SSU72: variants seen among roughly 807,000 people sequenced by gnomAD.
SSU72 encodes the protein SSU72 homolog, RNA polymerase II CTD phosphatase.
A neutral mutation model predicts 22.7 loss-of-function variants in SSU72; 12 were observed. That is an observed-to-expected ratio of 0.53 (90% CI 0.34 to 0.86). The LOEUF is 0.86. Ranked by LOEUF, SSU72 falls within the 40% of genes least tolerant of loss-of-function variation. The pLI is 0.02. For missense variants in SSU72, 151 were observed against 249.8 expected, an observed-to-expected ratio of 0.60 and a Z score of 2.67; for synonymous variants, 116 against 98.3, an observed-to-expected ratio of 1.18 and a Z score of -1.06.
chr1:1,570,808 G>GT (rs1217252819), intron 1 of SSU72, among the ~76,000 whole-genome samples: 5 of 152,204 alleles, frequency 3.3e-5, no homozygotes. Flanking sequence ...ATTTTCTACA[G>GT]TAAGAATTTC....
Position 1,564,935 on chromosome 1 carries a change from G to T in SSU72, c.81-19C>A. ...CCGTTTGCTGAAAGACAAAAGGAGAGAAAGAATCACAGTCACACTAAGACA... is the reference window on the plus strand; with the variant it reads ...CCGTTTGCTGAAAGACAAAAGGAGATAAAGAATCACAGTCACACTAAGACA... On this transcript the variant is annotated intron_variant, in intron 1 of 4. Coordinates refer to ENST00000291386, the MANE Select transcript of SSU72 (RefSeq NM_014188.3). The T allele has an allele frequency of 6.3e-7, 1 of 1,576,778 alleles. No homozygotes were observed. Among genetic ancestry groups the T allele is most frequent in the African/African-American group, 1.4e-5 (1 of 73,690 alleles).
chr1:1,574,573 T>G lies in SSU72; in HGVS notation c.-16A>C. On this transcript the variant is annotated 5_prime_UTR_variant, in exon 1 of 5. Coordinates refer to ENST00000291386, the MANE Select transcript of SSU72 (RefSeq NM_014188.3). ...ACGACGGCATGGCGGCGGCCGCAAA[T>G]CCCGCGGCTCTCCCGCTTGGGTTCC... The G allele has an allele frequency of 6.3e-7, 1 of 1,579,140 alleles. No homozygotes were observed. The highest frequency in any genetic ancestry group is 8.6e-7 in the Non-Finnish European group (1 of 1,165,972).
chr1:1,565,308 G>A (rs538168473), intron 1 of SSU72, among the ~76,000 whole-genome samples: 6 of 152,324 alleles, frequency 3.9e-5, no homozygotes, highest in African/African-American at 1.4e-4. Context: ...GGGAGGCGGA[G>A]CTTGCAGTGA....
At position 1,542,203 on chromosome 1, in the gene SSU72, C is replaced by G; in HGVS notation, c.484-36G>C. ...AGGACCGTGGTGAGGGCCTTGCCCA[C>G]TCCTGCCTGTCTGCTCCCCCTAACA... On this transcript the variant is annotated intron_variant, in intron 4 of 4. Coordinates refer to ENST00000291386, the MANE Select transcript of SSU72 (RefSeq NM_014188.3). This position sits in a 1 kb window ranked among gnomAD's most constrained non-coding sequence, Gnocchi z 4.4. The G allele has an allele frequency of 1.3e-6, 2 of 1,547,204 alleles. No homozygotes were observed. Among genetic ancestry groups the G allele is most frequent in the Non-Finnish European group, 1.8e-6 (2 of 1,141,616 alleles).
intron 3 of SSU72, among the ~76,000 whole-genome samples, chr1:1,544,393 G>A (rs372111793): frequency 1.3e-5 from 2 of 152,124 alleles, no homozygotes; most frequent in Admixed American, 6.5e-5. Flanking sequence ...TGAGGCGGGC[G>A]GATCACTTGA....
chr1:1,568,716 G>A (rs1557506258), intron 1 of SSU72, among the ~76,000 whole-genome samples: 1 of 151,626 alleles, frequency 6.6e-6, no homozygotes, highest in African/African-American at 2.4e-5. Context: ...CTTGAGGTCG[G>A]GAGTTTGAGA....
At chr1:1,545,326 C>T (rs138302227) in intron 2 of SSU72, 34 of 306,456 alleles carry the variant, frequency 1.1e-4, no homozygotes, top group Middle Eastern at 2.0e-3. Flanking sequence ...ACTGCTGGCC[C>T]GGCCCAAGCT....
chr1:1,569,639 A>C (rs769032026), intron 1 of SSU72, among the ~76,000 whole-genome samples: 4 of 152,150 alleles, frequency 2.6e-5, no homozygotes, highest in Admixed American at 6.6e-5. Context: ...AGCAGCCAGA[A>C]TGACAGGCAT....
intron 2 of SSU72, among the ~76,000 whole-genome samples, chr1:1,550,639 G>A (rs1041047147): frequency 5.3e-5 from 8 of 152,126 alleles, no homozygotes; most frequent in Admixed American, 5.2e-4. Context: ...CGGGCCCAGG[G>A]AGTCAGGACG....
Position 1,574,534 on chromosome 1 carries a change from C to A in SSU72, c.24G>T (p.Val8=), listed in dbSNP as rs1363797662. MPSSPLR[V]AVVCSSNQNR... is the part of the protein sequence containing the mutation. ...TCTGGTTGCTCGAGCACACCACCGC[C>A]ACCCGCAGCGGGGACGACGGCATGG... is the stretch of plus-strand genomic sequence containing the variant. Residue 8 remains valine (V), a synonymous_variant, in exon 1 of 5, where the codon GTG becomes GTT. Transcript: ENST00000291386. The A allele has an allele frequency of 6.3e-7, 1 of 1,590,018 alleles. No individual in the cohort carries two copies. Among genetic ancestry groups the A allele is most frequent in the Non-Finnish European group, 8.5e-7 (1 of 1,170,766 alleles).
chr1:1,574,626 C>G lies in SSU72; in HGVS notation c.-69G>C. ...CCCTACCGCGGCGCTTCCGCGCGAA[C>G]AAAATGGCGGCCGCGGTGGCCGGAA... On this transcript the variant is annotated 5_prime_UTR_variant, in exon 1 of 5. Coordinates refer to ENST00000291386, the MANE Select transcript of SSU72 (RefSeq NM_014188.3). 4 of 1,465,356 alleles carry G rather than the reference C, an allele frequency of 2.7e-6. No individual in the cohort carries two copies. Among genetic ancestry groups the G allele is most frequent in the African/African-American group, 1.5e-5 (1 of 67,026 alleles). The allele number at this position is 1,465,356 out of a possible 1,614,324, so 90.8% of individuals were successfully genotyped here. A position where few individuals can be genotyped will look rare whatever the true frequency, so the allele number is the denominator to read the frequency against.
chr1:1,565,542 C>T (rs1642649725), intron 1 of SSU72, among the ~76,000 whole-genome samples: 1 of 107,712 alleles, frequency 9.3e-6, no homozygotes, highest in Non-Finnish European at 1.7e-5. Context: ...TCCAAGTTCA[C>T]AGGATTCCTA....
chr1:1,567,717 C>T (rs1031677490), intron 1 of SSU72, among the ~76,000 whole-genome samples: 1 of 151,910 alleles, frequency 6.6e-6, no homozygotes, highest in Non-Finnish European at 1.5e-5. Context: ...AGGAGTTCGA[C>T]AACAGCCTGG....
intron 3 of SSU72, 96 bp from the exon 4 acceptor site, chr1:1,544,083 C>T: frequency 1.1e-6 from 1 of 904,244 alleles, no homozygotes; most frequent in African/African-American, 1.7e-5. Context: ...GCTGCAGGCC[C>T]AGCCCAGCCC....
At chr1:1,565,234 G>A (rs548482087) in intron 1 of SSU72, among the ~76,000 whole-genome samples, 15 of 152,244 alleles carry the variant, frequency 9.9e-5, no homozygotes, top group South Asian at 2.1e-4. Flanking sequence ...TTAGCCGGGC[G>A]CGGTGGCGGG....
intron 1 of SSU72, among the ~76,000 whole-genome samples, chr1:1,572,877 TG>T (rs80340276): frequency 0.36 from 30,367 of 83,772 alleles, 4,542 homozygotes; most frequent in East Asian, 0.52. Context: ...AATTTTGTCT[TG>T]GGGGGGGGGG....
chr1:1,562,979 A>G (rs1314755289), intron 2 of SSU72: 1 of 152,406 alleles, frequency 6.6e-6, no homozygotes, highest in Non-Finnish European at 1.5e-5. Flanking sequence ...ACCGCGTCAC[A>G]AGCACCACAC....
chr1:1,558,965 G>GA (rs1271624067), intron 2 of SSU72, among the ~76,000 whole-genome samples: 9 of 152,234 alleles, frequency 5.9e-5, no homozygotes, highest in African/African-American at 4.8e-5. Context: ...AATCAAAAAT[G>GA]AAAAAATCCT....
intron 2 of SSU72, among the ~76,000 whole-genome samples, chr1:1,548,859 T>C (rs1642423782): frequency 6.6e-6 from 1 of 152,330 alleles, no homozygotes; most frequent in Admixed American, 6.5e-5. Context: ...CCGGCCAGCA[T>C]GAGCCAATGT....
Sources: gnomAD v4.1 joint callset for allele counts (sites outside exome capture counted in the v4.1 genomes callset) on GRCh38, gnomAD v4.1.1 for gene constraint, Gnocchi (gnomAD v3.1) non-coding constraint, MANE v1.5 for transcripts, NCBI Gene and HGNC (gene_info 2026-07-23, HGNC 2026-07-21) for gene names.